The following FLVCR1 variants were observed in gnomAD, a reference collection of about 807,000 sequenced individuals.
The protein encoded by FLVCR1 is choline/ethanolamine transporter FLVCR1.
In FLVCR1, 34 loss-of-function variants were observed where a neutral mutation model predicts 53.6. That is an observed-to-expected ratio of 0.63 (90% CI 0.48 to 0.84). FLVCR1 has a LOEUF of 0.84. Among genes scored for constraint, FLVCR1 ranks in the 40% least tolerant of loss-of-function variants. The pLI is 0.00. For missense variants in FLVCR1, 677 were observed against 696.7 expected (o/e 0.97, Z 0.32); for synonymous variants, 300 against 286.3 (o/e 1.05, Z -0.48).
chr1:212,879,583 A>T (rs1312685715), intron 3 of FLVCR1, among the ~76,000 whole-genome samples: 1 of 152,186 alleles, frequency 6.6e-6, no homozygotes, highest in African/African-American at 2.4e-5. Flanking sequence ...AGATGTCTTT[A>T]TAGACTCTGT....
At chr1:212,885,741 C>T (rs1019179963) in intron 5 of FLVCR1, among the ~76,000 whole-genome samples, 2 of 151,684 alleles carry the variant, frequency 1.3e-5, no homozygotes, top group East Asian at 1.9e-4. Context: ...TTAGTAGAGA[C>T]GGGGTTTCAC....
chr1:212,864,374 G>A (rs947404061), intron 2 of FLVCR1: 1 of 176,968 alleles, frequency 5.7e-6, no homozygotes, highest in Non-Finnish European at 1.2e-5. Flanking sequence ...TCAAACTGTG[G>A]CAACTATCTA....
At chr1:212,875,024 C>T (rs1572017569) in intron 3 of FLVCR1, among the ~76,000 whole-genome samples, 1 of 152,032 alleles carries the variant, frequency 6.6e-6, no homozygotes, top group East Asian at 1.9e-4. Context: ...AAATGTGCTT[C>T]TTTTTTCTGT....
chr1:212,859,030 G>A lies in FLVCR1; in HGVS notation c.578G>A (p.Gly193Asp). 2 of 1,611,696 alleles carry A rather than the reference G, an allele frequency of 1.2e-6. No individual in the cohort carries two copies. Among genetic ancestry groups the A allele is most frequent in the Non-Finnish European group, 8.5e-7 (1 of 1,178,158 alleles). Residue 193 changes from glycine to aspartate, a missense_variant, in exon 1 of 10, where the codon GGC (glycine) becomes GAC (aspartate). Physicochemically the swap from Gly to Asp is moderately conservative, Grantham distance 94 (BLOSUM62 -1). Transcript: ENST00000366971. ...LNCLGAWIKCGSVQQHLFWVT... is the reference protein window; with the variant it reads ...LNCLGAWIKCDSVQQHLFWVT... ...TGCCTGGGTGCCTGGATCAAGTGCG[G>A]CAGTGTGCAGCAGCATCTCTTCTGG...
At chr1:212,888,416 C>A in intron 6 of FLVCR1, 73 bp from the exon 7 acceptor site, 1 of 1,014,658 alleles carries the variant, frequency 9.9e-7, no homozygotes, top group Non-Finnish European at 1.6e-6. Context: ...GCCCGAGAGG[C>A]AGAATGATTG....
chr1:212,877,166 C>T (rs367824703), intron 3 of FLVCR1, among the ~76,000 whole-genome samples: 3 of 134,134 alleles, frequency 2.2e-5, no homozygotes, highest in East Asian at 2.2e-4. Context: ...GAGAGAGTCT[C>T]GCTCTGTCGC....
Position 212,893,411 on chromosome 1 carries a change from T to C in FLVCR1, c.1526-1575T>C, listed in dbSNP as rs374892540. On this transcript the variant is annotated intron_variant, in intron 8 of 9. Coordinates refer to ENST00000366971, the MANE Select transcript of FLVCR1 (RefSeq NM_014053.4). ...GTTTTCTTGAGTTGGAATCTACTAG[T>C]AAAGATGCTGTAAATGTTGAAATGA... Among the ~76,000 whole-genome samples, 8 of 152,304 alleles carry C rather than the reference T, an allele frequency of 5.3e-5. No individual in the cohort carries two copies. In the East Asian group the frequency reaches 9.7e-4, roughly 18 times the overall value.
intron 1 of FLVCR1, among the ~76,000 whole-genome samples, chr1:212,863,267 TAACAA>T (rs1327221728): frequency 6.6e-6 from 1 of 152,210 alleles, no homozygotes. Flanking sequence ...AATTTCCCTT[TAACAA>T]TACAATAGTA....
At chr1:212,880,154 T>C (rs1335161980) in intron 3 of FLVCR1, among the ~76,000 whole-genome samples, 1 of 152,146 alleles carries the variant, frequency 6.6e-6, no homozygotes, top group Admixed American at 6.6e-5. Context: ...ACGTGCATTC[T>C]TGAGCTCAGT....
chr1:212,869,419 A>G lies in FLVCR1; in HGVS notation c.884-3259A>G, dbSNP rs560497903. 2.2e-3 allele frequency among the ~76,000 whole-genome samples: 329 copies of G among 152,352 alleles called. 1 individual carries two copies. Among genetic ancestry groups the G allele is most frequent in the African/African-American group, 7.4e-3 (307 of 41,582 alleles). ...GTAGACTTAAGTTCGACTTTCCTAC[A>G]ACATGTAGCTGGTAAATACAGGCTT... On this transcript the variant is annotated intron_variant, in intron 2 of 9. Transcript: ENST00000366971.
At chr1:212,891,444 CA>C (rs34175403) in intron 8 of FLVCR1, among the ~76,000 whole-genome samples, 91,957 of 146,634 alleles carry the variant, frequency 0.63, 29,943 homozygotes, top group East Asian at 0.91. Context: ...GACTCCGTCT[CA>C]AAAAAAAAAA....
intron 1 of FLVCR1, among the ~76,000 whole-genome samples, chr1:212,862,890 G>T (rs1664289187): frequency 6.6e-6 from 1 of 152,178 alleles, no homozygotes; most frequent in Non-Finnish European, 1.5e-5. Context: ...ACCTGGTGTG[G>T]AGTGGTATCT....
intron 3 of FLVCR1, among the ~76,000 whole-genome samples, chr1:212,877,686 GT>G (rs56783462): frequency 0.15 from 18,565 of 127,020 alleles, 2,184 homozygotes; most frequent in African/African-American, 0.37. Flanking sequence ...TCTGATGATA[GT>G]TTTTTTTTTT....
At chr1:212,874,526 C>CTTTTTTTT (rs61497441) in intron 3 of FLVCR1, among the ~76,000 whole-genome samples, 283 of 120,816 alleles carry the variant, frequency 2.3e-3, no homozygotes, top group African/African-American at 4.2e-3. Flanking sequence ...TTCTTTTTTT[C>CTTTTTTTT]TTTTTTTTTT....
At chr1:212,860,451 G>C (rs1413130726) in intron 1 of FLVCR1, among the ~76,000 whole-genome samples, 1 of 147,366 alleles carries the variant, frequency 6.8e-6, no homozygotes, top group Non-Finnish European at 1.5e-5. Context: ...GCCTCCCGAA[G>C]TGCTGGGATT....
chr1:212,865,485 A>ATTTTTTT (rs58544929), intron 2 of FLVCR1, among the ~76,000 whole-genome samples: 1 of 133,654 alleles, frequency 7.5e-6, no homozygotes, highest in African/African-American at 3.0e-5. Context: ...TGCAATAGGG[A>ATTTTTTT]TTTTTTTTTT....
At chr1:212,872,627 C>T (rs1439084028) in intron 2 of FLVCR1, 51 bp from the exon 3 acceptor site, 5 of 1,135,448 alleles carry the variant, frequency 4.4e-6, no homozygotes, top group Middle Eastern at 2.3e-4. Context: ...TATATAACAA[C>T]ATATTGTATA....
chr1:212,861,918 CCT>C (rs1664254378), intron 1 of FLVCR1, among the ~76,000 whole-genome samples: 1 of 152,116 alleles, frequency 6.6e-6, no homozygotes, highest in Admixed American at 6.6e-5. Context: ...GATCCCCCCA[CCT>C]CGGCCTCCCA....
At chr1:212,865,987 T>G (rs1432096738) in intron 2 of FLVCR1, among the ~76,000 whole-genome samples, 1 of 74,306 alleles carries the variant, frequency 1.3e-5, no homozygotes, top group African/African-American at 3.8e-5. Context: ...TTTGGTTTTT[T>G]TTTTTTTTTT....
Sources: allele counts gnomAD v4.1 joint callset (sites outside exome capture counted in the v4.1 genomes callset), GRCh38; gene constraint gnomAD v4.1.1; transcripts MANE v1.5; gene names NCBI Gene and HGNC (gene_info 2026-07-23, HGNC 2026-07-21).